SNRPN: variants seen among roughly 807,000 people sequenced by gnomAD.
SNRPN encodes small nuclear ribonucleoprotein-associated protein N.
A neutral mutation model predicts 25.2 loss-of-function variants in SNRPN; 7 were observed. The ratio of observed to expected loss-of-function variants is 0.28; its 90% CI spans 0.16 to 0.52. The LOEUF (loss-of-function observed/expected upper bound fraction) is 0.52. Ranked by LOEUF, SNRPN falls within the 20% of genes least tolerant of loss-of-function variation. The probability of loss-of-function intolerance (pLI) is 0.96; values close to 1 mark genes in which losing one functional copy is unlikely to be tolerated. For synonymous variants in SNRPN, 124 were observed against 110.6 expected, an observed-to-expected ratio of 1.12 and a Z score of -0.76; for missense variants, 196 against 322.5, an observed-to-expected ratio of 0.61 and a Z score of 3.00.
At chr15:24,959,712 C>T (rs969006167) in intron 1 of SNRPN, among the ~76,000 whole-genome samples, 1 of 152,092 alleles carries the variant, frequency 6.6e-6, no homozygotes, top group Non-Finnish European at 1.5e-5. Context: ...CTGATCAGTA[C>T]TAAATTCCTT....
intron 3 of SNRPN, among the ~76,000 whole-genome samples, chr15:24,932,939 A>G (rs1402309874): frequency 2.6e-5 from 4 of 151,736 alleles, no homozygotes; most frequent in Non-Finnish European, 5.9e-5. Context: ...GTGAGCCCCC[A>G]TGCCTGGCCA....
At chr15:24,840,082 G>A (rs993464513) in intron 2 of SNRPN, among the ~76,000 whole-genome samples, 1 of 152,198 alleles carries the variant, frequency 6.6e-6, no homozygotes, top group African/African-American at 2.4e-5. Flanking sequence ...TATAGGCCGG[G>A]CGTGGTGGCT....
intron 1 of SNRPN, among the ~76,000 whole-genome samples, chr15:24,826,905 A>G (rs1317512248): frequency 6.6e-6 from 1 of 152,086 alleles, no homozygotes; most frequent in Non-Finnish European, 1.5e-5. Context: ...ACAAACTTAG[A>G]TGGTATAGCC....
chr15:24,888,326 T>A (rs919105116), intron 2 of SNRPN, among the ~76,000 whole-genome samples: 1 of 152,070 alleles, frequency 6.6e-6, no homozygotes, highest in Non-Finnish European at 1.5e-5. Flanking sequence ...CAGGCTGGTC[T>A]CGAACTCCAG....
At chr15:24,845,103 G>A (rs1275006431) in intron 2 of SNRPN, among the ~76,000 whole-genome samples, 1 of 151,968 alleles carries the variant, frequency 6.6e-6, no homozygotes, top group Non-Finnish European at 1.5e-5. Context: ...AATTTCCGTG[G>A]CACATGAGTC....
intron 1 of SNRPN, among the ~76,000 whole-genome samples, chr15:24,864,097 G>A (rs2054286528): frequency 6.8e-6 from 1 of 147,386 alleles, no homozygotes; most frequent in African/African-American, 2.6e-5. Flanking sequence ...CGTGAACTCT[G>A]CTTACTGCAA....
At chr15:24,906,114 GT>G (rs1167571569) in intron 2 of SNRPN, among the ~76,000 whole-genome samples, 3 of 152,074 alleles carry the variant, frequency 2.0e-5, no homozygotes, top group African/African-American at 4.8e-5. Flanking sequence ...AGAATCCTGG[GT>G]TTTTTTGTTT....
At chr15:24,957,323 C>T (rs1156705946) in intron 1 of SNRPN, among the ~76,000 whole-genome samples, 1 of 152,054 alleles carries the variant, frequency 6.6e-6, no homozygotes, top group Non-Finnish European at 1.5e-5. Context: ...GTTTTGTGCT[C>T]AAAGAGAATA....
At chr15:24,972,137 T>G (rs2153644666) in intron 3 of SNRPN, among the ~76,000 whole-genome samples, 1 of 151,738 alleles carries the variant, frequency 6.6e-6, no homozygotes, top group South Asian at 2.1e-4. Flanking sequence ...GCGCCTGTAA[T>G]CCTAGCTACT....
chr15:24,889,288 A>G (rs1456543390), intron 2 of SNRPN, among the ~76,000 whole-genome samples: 1 of 151,616 alleles, frequency 6.6e-6, no homozygotes, highest in African/African-American at 2.4e-5. Flanking sequence ...AGTCTGTAGC[A>G]AGTAATATTA....
At chr15:24,939,828 C>T (rs1189945973) in intron 3 of SNRPN, among the ~76,000 whole-genome samples, 3 of 145,178 alleles carry the variant, frequency 2.1e-5, no homozygotes, top group South Asian at 2.2e-4. Flanking sequence ...CTCACTCTAT[C>T]GCTCAGGCTG....
chr15:24,881,320 C>T (rs112094512), intron 1 of SNRPN, among the ~76,000 whole-genome samples: 16,812 of 150,770 alleles, frequency 0.11, 1,166 homozygotes, highest in East Asian at 0.36. Flanking sequence ...GTCAGGAGTT[C>T]GAGACCAGCC....
At chr15:24,844,672 C>T (rs921639313) in intron 2 of SNRPN, among the ~76,000 whole-genome samples, 1 of 151,864 alleles carries the variant, frequency 6.6e-6, no homozygotes, top group African/African-American at 2.4e-5. Flanking sequence ...TTACAGGCAC[C>T]CTCTATCATG....
intron 2 of SNRPN, among the ~76,000 whole-genome samples, chr15:24,963,888 C>G (rs963339650): frequency 6.6e-6 from 1 of 151,910 alleles, no homozygotes; most frequent in Non-Finnish European, 1.5e-5. Context: ...ATAAATTAGC[C>G]AGGCGTGGTG....
chr15:24,873,919 T>C (rs1374012407), intron 1 of SNRPN, among the ~76,000 whole-genome samples: 1 of 151,818 alleles, frequency 6.6e-6, no homozygotes, highest in Non-Finnish European at 1.5e-5. Flanking sequence ...GTACTAGTAA[T>C]TTGGACATTT....
At chr15:24,968,335 T>A (rs2075952896) in intron 3 of SNRPN, 1 of 289,598 alleles carries the variant, frequency 3.5e-6, no homozygotes. Context: ...TTTAATTATA[T>A]AAAAATATTT....
Position 24,978,280 on chromosome 15 carries a change from C to T in SNRPN, c.647C>T (p.Pro216Leu), listed in dbSNP as rs777253872. 5.0e-6 allele frequency: 8 copies of T among 1,614,010 alleles called. No homozygotes were observed. Among genetic ancestry groups the T allele is most frequent in the South Asian group, 2.2e-5 (2 of 91,078 alleles). ...PPARGTPIGM[P>L]PPGMRPPPPG... ...GCTCGAGGGACGCCAATAGGCATGC[C>T]GCCTCCGGGAATGAGACCCCCTCCA... The change falls in exon 9 of 10, where the codon CCG becomes CTG. Residue 216 changes from proline to leucine, a missense_variant. Pro to Leu is a moderately conservative substitution (Grantham distance 98). Transcript: ENST00000390687.
chr15:24,933,269 AAAAG>A (rs1440837080), intron 3 of SNRPN, among the ~76,000 whole-genome samples: 1 of 152,126 alleles, frequency 6.6e-6, no homozygotes, highest in African/African-American at 2.4e-5. Flanking sequence ...CAAAAAAACA[AAAAG>A]AAAAGAAAAG....
chr15:24,911,904 C>T (rs1227328310), intron 2 of SNRPN, among the ~76,000 whole-genome samples: 1 of 152,170 alleles, frequency 6.6e-6, no homozygotes, highest in Non-Finnish European at 1.5e-5. Context: ...GTGCGTATTC[C>T]AACCTGTAAT....
Sources: allele counts gnomAD v4.1 joint callset (sites outside exome capture counted in the v4.1 genomes callset), GRCh38; gene constraint gnomAD v4.1.1; transcripts MANE v1.5; gene names NCBI Gene and HGNC (gene_info 2026-07-23, HGNC 2026-07-21).